Variants in ZFP64 observed in about 807,000 individuals in gnomAD.
ZFP64 encodes the protein zinc finger protein 64.
In ZFP64, 14 loss-of-function variants were observed where a neutral mutation model predicts 51.6. That is an observed-to-expected ratio of 0.27 (90% CI 0.18 to 0.42). The LOEUF is 0.42. ZFP64 is among the 10% of genes least tolerant of loss of function. The probability of loss-of-function intolerance (pLI) is 1.00; values close to 1 mark genes in which losing one functional copy is unlikely to be tolerated. For missense variants in ZFP64, 754 were observed against 906.8 expected (o/e 0.83, Z 2.16); for synonymous variants, 375 against 361.4 (o/e 1.04, Z -0.43).
chr20:52,175,700 C>T (rs1164309574), intron 2 of ZFP64, among the ~76,000 whole-genome samples: 1 of 152,052 alleles, frequency 6.6e-6, no homozygotes, highest in Non-Finnish European at 1.5e-5. Flanking sequence ...AAAAATTAGC[C>T]GGACGTGGTG....
chr20:52,090,194 A>G (rs2078908223), intron 7 of ZFP64, among the ~76,000 whole-genome samples: 1 of 152,178 alleles, frequency 6.6e-6, no homozygotes. Context: ...GAAGGGTGAG[A>G]TCTGGAAGCT....
At chr20:52,089,966 A>T (rs931011639) in intron 7 of ZFP64, among the ~76,000 whole-genome samples, 1 of 152,178 alleles carries the variant, frequency 6.6e-6, no homozygotes, top group Non-Finnish European at 1.5e-5. Flanking sequence ...TATAAAAACA[A>T]AACAAAAAGA....
At chr20:52,182,975 A>C (rs1017773508) in intron 2 of ZFP64, among the ~76,000 whole-genome samples, 26 of 152,134 alleles carry the variant, frequency 1.7e-4, no homozygotes, top group African/African-American at 6.0e-4. Context: ...GAAAAGAGTG[A>C]GACGTGCAGG....
chr20:52,191,533 G>T lies in ZFP64; in HGVS notation c.46+58C>A. On this transcript the variant is annotated intron_variant, in intron 1 of 5. Coordinates refer to ENST00000216923, the MANE Select transcript of ZFP64 (RefSeq NM_018197.3). This position sits in a 1 kb window ranked among gnomAD's most constrained non-coding sequence, Gnocchi z 4.3. ...CTGCGTCGCAGACGTGCTTGGGCCCGGGCCCCGGAGCGCGCACTGGGCCCC... is the reference window on the plus strand; with the variant it reads ...CTGCGTCGCAGACGTGCTTGGGCCCTGGCCCCGGAGCGCGCACTGGGCCCC... The T allele has an allele frequency of 2.0e-6, 3 of 1,489,308 alleles. No homozygotes were observed. The highest frequency in any genetic ancestry group is 2.7e-6 in the Non-Finnish European group (3 of 1,121,276). The allele number at this position is 1,489,308 out of a possible 1,614,324, so 92.3% of individuals were successfully genotyped here. A position where few individuals can be genotyped will look rare whatever the true frequency, so the allele number is the denominator to read the frequency against.
At chr20:52,131,034 C>A (rs1252184356) in intron 5 of ZFP64, among the ~76,000 whole-genome samples, 2 of 151,678 alleles carry the variant, frequency 1.3e-5, no homozygotes, top group African/African-American at 4.8e-5. Context: ...CCACTGCACT[C>A]CAGCCTGGGC....
intron 2 of ZFP64, chr20:52,175,875 C>CCCCCCA: frequency 6.2e-6 from 6 of 965,632 alleles, no homozygotes; most frequent in Non-Finnish European, 7.4e-6. Flanking sequence ...CCCCCGCCCC[C>CCCCCCA]AAAATAATTC....
intron 7 of ZFP64, among the ~76,000 whole-genome samples, chr20:52,092,005 C>T (rs2078932984): frequency 6.6e-6 from 1 of 151,756 alleles, no homozygotes; most frequent in Non-Finnish European, 1.5e-5. Flanking sequence ...CAAAACCAAA[C>T]AAAAAACCTA....
intron 5 of ZFP64, among the ~76,000 whole-genome samples, chr20:52,128,544 T>G (rs936342824): frequency 6.6e-6 from 1 of 152,214 alleles, no homozygotes; most frequent in African/African-American, 2.4e-5. Context: ...TATTAATAAA[T>G]GTATACCTAA....
chr20:52,126,002 G>A (rs1218272602), intron 5 of ZFP64, among the ~76,000 whole-genome samples: 1 of 152,014 alleles, frequency 6.6e-6, no homozygotes, highest in Non-Finnish European at 1.5e-5. Flanking sequence ...CTGTGTTCAA[G>A]TGATTCTCCT....
At chr20:52,178,802 C>G (rs1017210236) in intron 2 of ZFP64, among the ~76,000 whole-genome samples, 1 of 152,106 alleles carries the variant, frequency 6.6e-6, no homozygotes, top group South Asian at 2.1e-4. Flanking sequence ...CCCTGACTTT[C>G]CCAGTTGGAA....
intron 5 of ZFP64, among the ~76,000 whole-genome samples, chr20:52,144,596 A>AAAAAAAAAAAAAAAAG (rs1980429339): frequency 1.3e-5 from 2 of 148,980 alleles, no homozygotes; most frequent in Non-Finnish European, 3.0e-5. Flanking sequence ...AAAAAAAAAA[A>AAAAAAAAAAAAAAAAG]AAAAAATGCT....
intron 2 of ZFP64, among the ~76,000 whole-genome samples, chr20:52,182,880 G>A (rs1026210114): frequency 3.3e-5 from 5 of 152,198 alleles, no homozygotes. Context: ...GTGAACAGGA[G>A]AGGGGCTTAC....
intron 7 of ZFP64, chr20:52,088,838 T>A: frequency 1.3e-6 from 1 of 760,244 alleles, no homozygotes; most frequent in Non-Finnish European, 2.1e-6. Context: ...TCAGAAATCC[T>A]AAGGGAAAGA....
intron 5 of ZFP64, among the ~76,000 whole-genome samples, chr20:52,099,493 G>C (rs1269424786): frequency 6.6e-6 from 1 of 152,198 alleles, no homozygotes; most frequent in Non-Finnish European, 1.5e-5. Flanking sequence ...AGAGACTTGA[G>C]GTGGTCGACA....
chr20:52,109,152 G>T (rs368860728), intron 5 of ZFP64, among the ~76,000 whole-genome samples: 4 of 151,290 alleles, frequency 2.6e-5, no homozygotes, highest in African/African-American at 9.8e-5. Context: ...TTTTTTAGAA[G>T]ATTTTTTTTT....
At chr20:52,164,090 C>G (rs944482466) in intron 4 of ZFP64, among the ~76,000 whole-genome samples, 36 of 152,224 alleles carry the variant, frequency 2.4e-4, no homozygotes, top group Middle Eastern at 3.4e-3. Context: ...GTGGGTGGAT[C>G]GCTTGAGTCC....
At chr20:52,170,529 C>T (rs149809462) in intron 2 of ZFP64, among the ~76,000 whole-genome samples, 2 of 152,296 alleles carry the variant, frequency 1.3e-5, no homozygotes, top group South Asian at 4.1e-4. Flanking sequence ...CAGGGCTAAT[C>T]CCATGTAACC....
At position 52,139,848 on chromosome 20, in the gene ZFP64, G is replaced by GTT. The variant is rs555986732; in HGVS notation, c.763+20273_763+20274dup. Reference sequence around the variant, plus strand: ...TATTGTGCTTTGCGGGCGCTGAGTTGTTTTTTTTTTTTTTTTTACAAATTG... The same window carrying GTT: ...TATTGTGCTTTGCGGGCGCTGAGTTGTTTTTTTTTTTTTTTTTTTACAAATTG... On this transcript the variant is annotated intron_variant, in intron 5 of 8. Coordinates refer to the ZFP64 transcript ENST00000361387. Among the ~76,000 whole-genome samples, 247 of 129,816 alleles carry GTT rather than the reference G, an allele frequency of 1.9e-3. 1 individual carries two copies. The highest frequency in any genetic ancestry group is 2.4e-3 in the East Asian group (10 of 4,138). 85.2% of individuals were successfully genotyped at this position (129,816 alleles called of 152,430 possible).
chr20:52,190,884 A>G (rs1984317428), intron 1 of ZFP64, among the ~76,000 whole-genome samples: 1 of 151,838 alleles, frequency 6.6e-6, no homozygotes. Context: ...CCCCAGCCCC[A>G]CCCCCGAGAT....
Sources: allele counts gnomAD v4.1 joint callset (sites outside exome capture counted in the v4.1 genomes callset), GRCh38; gene constraint gnomAD v4.1.1; non-coding constraint Gnocchi (gnomAD v3.1); transcripts MANE v1.5; gene names NCBI Gene and HGNC (gene_info 2026-07-23, HGNC 2026-07-21).